The following SV2C variants were observed in gnomAD, a reference collection of about 807,000 sequenced individuals.
SV2C encodes the protein synaptic vesicle glycoprotein 2C.
A neutral mutation model predicts 79.7 loss-of-function variants in SV2C; 49 were observed. The observed-to-expected ratio is 0.61, with a 90% CI of 0.49 to 0.78. The LOEUF (loss-of-function observed/expected upper bound fraction) is 0.78. Ranked by LOEUF, SV2C falls within the 30% of genes least tolerant of loss-of-function variation. The pLI is 0.00. For synonymous variants in SV2C, 334 were observed against 333.2 expected (o/e 1.00, Z -0.03); for missense variants, 833 against 912.9 (o/e 0.91, Z 1.13).
chr5:76,290,942 T>G (rs1747541614), intron 6 of SV2C, among the ~76,000 whole-genome samples: 1 of 152,244 alleles, frequency 6.6e-6, no homozygotes, highest in Non-Finnish European at 1.5e-5. Context: ...GTAGTAATGG[T>G]TCAGGGAGGG....
At chr5:75,982,847 G>A in the SV2C span, among the ~76,000 whole-genome samples, 1 of 152,140 alleles carries the variant, frequency 6.6e-6, no homozygotes, top group African/African-American at 2.4e-5. Context: ...ACTATCCTTA[G>A]CAAACTAATG....
At position 76,295,948 on chromosome 5, in the gene SV2C, G is replaced by A; in HGVS notation, c.1502+6G>A. On this transcript the variant is annotated splice_donor_region_variant and intron_variant, in intron 9 of 12. Transcript: ENST00000502798. ...ATGGAATACGACAATGGCAGGTCTA[G>A]AAACTTGAAATAATTTAATTTGCTA... 26 of 1,561,582 alleles carry A rather than the reference G, an allele frequency of 1.7e-5. No individual in the cohort carries two copies. Among genetic ancestry groups the A allele is most frequent in the Non-Finnish European group, 2.3e-5 (26 of 1,154,618 alleles).
At chr5:76,060,621 A>G in the SV2C span, among the ~76,000 whole-genome samples, 2 of 152,064 alleles carry the variant, frequency 1.3e-5, no homozygotes, top group Non-Finnish European at 2.9e-5. Flanking sequence ...TCTTAAGGCA[A>G]TGTTGTGGCT....
At chr5:76,032,307 G>C in the SV2C span, among the ~76,000 whole-genome samples, 1 of 151,694 alleles carries the variant, frequency 6.6e-6, no homozygotes, top group South Asian at 2.1e-4. Context: ...TGTGCAGTTA[G>C]TTACATGTAT....
the SV2C span, among the ~76,000 whole-genome samples, chr5:76,038,142 T>A: frequency 7.3e-4 from 111 of 152,358 alleles, no homozygotes; most frequent in East Asian, 0.016. Context: ...GCCCACTGTC[T>A]GGCACTCCCT....
chr5:75,898,880 T>C, the SV2C span, among the ~76,000 whole-genome samples: 1 of 152,244 alleles, frequency 6.6e-6, no homozygotes, highest in African/African-American at 2.4e-5. Context: ...TATTCTCTGA[T>C]GGTAGTTTGT....
chr5:75,945,243 G>A, the SV2C span, among the ~76,000 whole-genome samples: 1 of 151,932 alleles, frequency 6.6e-6, no homozygotes, highest in African/African-American at 2.4e-5. Context: ...ACCTGAACAA[G>A]ACAATCAATT....
the SV2C span, among the ~76,000 whole-genome samples, chr5:75,959,522 T>C: frequency 5.3e-5 from 8 of 151,998 alleles, no homozygotes; most frequent in Non-Finnish European, 1.0e-4. Context: ...CTCAAGTGAA[T>C]TTAAAATGTA....
chr5:76,250,313 C>CA (rs1305737551), intron 4 of SV2C, among the ~76,000 whole-genome samples: 6 of 151,892 alleles, frequency 4.0e-5, no homozygotes, highest in African/African-American at 1.5e-4. Flanking sequence ...TGTTTTAAAC[C>CA]AAAAAAATAC....
chr5:75,960,111 A>G, the SV2C span, among the ~76,000 whole-genome samples: 1 of 152,006 alleles, frequency 6.6e-6, no homozygotes, highest in Non-Finnish European at 1.5e-5. Context: ...CTATTTTAAT[A>G]TGACCTTGAA....
the SV2C span, among the ~76,000 whole-genome samples, chr5:75,872,425 A>AT: frequency 1.1e-4 from 17 of 152,204 alleles, no homozygotes; most frequent in Non-Finnish European, 1.9e-4. Flanking sequence ...CTGGAATGGT[A>AT]TTTTTTGGGA....
intron 4 of SV2C, among the ~76,000 whole-genome samples, chr5:76,267,511 A>T (rs183575290): frequency 7.2e-5 from 11 of 152,322 alleles, no homozygotes; most frequent in Non-Finnish European, 1.0e-4. Flanking sequence ...ATTCTTTTGT[A>T]TATTCCATTC....
At chr5:76,285,706 C>T in intron 5 of SV2C, 75 bp from the exon 6 acceptor site, 1 of 1,254,142 alleles carries the variant, frequency 8.0e-7, no homozygotes, top group Non-Finnish European at 1.1e-6. Flanking sequence ...TCTGACAATG[C>T]AAGACGGCTA....
the SV2C span, among the ~76,000 whole-genome samples, chr5:75,879,747 G>A: frequency 4.6e-5 from 7 of 152,216 alleles, no homozygotes; most frequent in African/African-American, 9.6e-5. Flanking sequence ...AGCTCCACTA[G>A]GCAATGCCCC....
chr5:76,333,906 A>G lies in SV2C; in HGVS notation c.*8359A>G, dbSNP rs2112579505. The G allele has an allele frequency of 7.3e-6, 1 of 136,560 alleles. No homozygotes were observed. The highest frequency in any genetic ancestry group is 2.0e-4 in the East Asian group (1 of 4,916). The allele number at this position is 136,560 out of a possible 1,614,324, so 8.5% of individuals were successfully genotyped here. A position where few individuals can be genotyped will look rare whatever the true frequency, so the allele number is the denominator to read the frequency against. ...ACAGCTGCAAAGATATTTAGTGTATATCAGATTAATAAAAGAGCATTTTTT... is the reference window on the plus strand; with the variant it reads ...ACAGCTGCAAAGATATTTAGTGTATGTCAGATTAATAAAAGAGCATTTTTT... On this transcript the variant is annotated 3_prime_UTR_variant, in exon 13 of 13. Transcript: ENST00000502798.
chr5:76,171,543 G>A (rs1743251665), intron 2 of SV2C, among the ~76,000 whole-genome samples: 1 of 141,780 alleles, frequency 7.1e-6, no homozygotes. Flanking sequence ...TCTCCGCCCG[G>A]CAGCCACCCC....
chr5:76,180,575 G>A (rs769550101), intron 2 of SV2C, among the ~76,000 whole-genome samples: 6 of 152,160 alleles, frequency 3.9e-5, no homozygotes, highest in African/African-American at 1.4e-4. Context: ...CAGTGACATG[G>A]TACCCTCTTG....
At chr5:76,118,510 A>C (rs1489637997) in intron 1 of SV2C, among the ~76,000 whole-genome samples, 1 of 152,236 alleles carries the variant, frequency 6.6e-6, no homozygotes, top group East Asian at 1.9e-4. Context: ...AGACATGTTC[A>C]ACTTCACCAA....
At chr5:76,189,651 A>C (rs532294967) in intron 2 of SV2C, among the ~76,000 whole-genome samples, 1 of 152,272 alleles carries the variant, frequency 6.6e-6, no homozygotes, top group South Asian at 2.1e-4. Context: ...TTTTCCTTTG[A>C]GTTGGGCTCT....
Sources: gnomAD v4.1 joint callset for allele counts (sites outside exome capture counted in the v4.1 genomes callset) on GRCh38, gnomAD v4.1.1 for gene constraint, MANE v1.5 for transcripts, NCBI Gene and HGNC (gene_info 2026-07-23, HGNC 2026-07-21) for gene names.